Variants in NPLOC4 observed in about 807,000 individuals in gnomAD.
The protein encoded by NPLOC4 is NPL4 homolog, ubiquitin recognition factor.
A neutral mutation model predicts 80.6 loss-of-function variants in NPLOC4; 18 were observed. The ratio of observed to expected loss-of-function variants is 0.22; its 90% confidence interval spans 0.15 to 0.33. The LOEUF (loss-of-function observed/expected upper bound fraction) is 0.33. Ranked by LOEUF, NPLOC4 falls within the 10% of genes least tolerant of loss-of-function variation. The pLI, the probability that NPLOC4 is intolerant of heterozygous loss-of-function variation, is 1.00. For missense variants in NPLOC4, 540 were observed against 786.1 expected (o/e 0.69, Z 3.74); for synonymous variants, 313 against 301.5 (o/e 1.04, Z -0.39).
At chr17:81,583,472 G>C (rs1010677242) in intron 12 of NPLOC4, among the ~76,000 whole-genome samples, 4 of 152,082 alleles carry the variant, frequency 2.6e-5, no homozygotes, top group Admixed American at 6.5e-5. Context: ...TTTTCTGCAG[G>C]GGACAAATGT....
intron 12 of NPLOC4, among the ~76,000 whole-genome samples, chr17:81,583,052 A>T (rs749614164): frequency 6.6e-6 from 1 of 152,270 alleles, no homozygotes; most frequent in Non-Finnish European, 1.5e-5. Flanking sequence ...CGTGACGCAG[A>T]GTGTGTGTGA....
chr17:81,611,745 G>C (rs532992137), intron 4 of NPLOC4, among the ~76,000 whole-genome samples: 2 of 151,872 alleles, frequency 1.3e-5, no homozygotes, highest in East Asian at 2.0e-4. Flanking sequence ...TGGATCACAA[G>C]TCAGGAGATA....
intron 12 of NPLOC4, among the ~76,000 whole-genome samples, chr17:81,586,466 C>A (rs1197663412): frequency 6.6e-6 from 1 of 151,910 alleles, no homozygotes; most frequent in African/African-American, 2.4e-5. Flanking sequence ...AAAAAATTAG[C>A]CGGGCAGGTG....
intron 13 of NPLOC4, 150 bp downstream of exon 13, chr17:81,571,867 T>TC (rs895495394): frequency 2.2e-5 from 10 of 452,522 alleles, no homozygotes; most frequent in Non-Finnish European, 3.6e-5. Context: ...TACAACCACC[T>TC]CCTGGGTGCC....
chr17:81,559,289 G>C lies in NPLOC4; in HGVS notation c.1797C>G (p.His599Gln), dbSNP rs369490885. 38 of 1,605,496 alleles carry C rather than the reference G, an allele frequency of 2.4e-5. No homozygotes were observed. The highest frequency in any genetic ancestry group is 6.8e-5 in the Admixed American group (4 of 58,652). ...CTFMNQPGTGHCEMCSLPRT is the reference protein window; with the variant it reads ...CTFMNQPGTGQCEMCSLPRT ...TCCTGGGGAGGCTGCACATCTCGCA[G>C]TGGCCTGTGCCTGGCTGGTTCATGA... The change falls in exon 17 of 17, where the codon CAC becomes CAG. Residue 599 changes from histidine to glutamine, a missense_variant. By Grantham distance (24) the His-to-Gln change is conservative. Transcript: ENST00000331134.
chr17:81,599,424 C>A (rs2035007834), intron 9 of NPLOC4, among the ~76,000 whole-genome samples: 2 of 152,160 alleles, frequency 1.3e-5, no homozygotes, highest in East Asian at 3.8e-4. Context: ...AACAAGAGAA[C>A]TTCCAGAATT....
chr17:81,608,854 T>C, intron 5 of NPLOC4, 32 bp from the exon 6 acceptor site: 1 of 1,524,388 alleles, frequency 6.6e-7, no homozygotes, highest in Non-Finnish European at 8.9e-7. Flanking sequence ...GAGTGCAGTC[T>C]CACACGTGCC....
At chr17:81,614,790 T>G (rs1378908972) in intron 3 of NPLOC4, among the ~76,000 whole-genome samples, 1 of 152,148 alleles carries the variant, frequency 6.6e-6, no homozygotes, top group African/African-American at 2.4e-5. Context: ...GGGTCCCAAG[T>G]GACCAGAGAT....
chr17:81,570,493 T>A (rs2034133237), intron 13 of NPLOC4, among the ~76,000 whole-genome samples: 1 of 152,142 alleles, frequency 6.6e-6, no homozygotes, highest in Non-Finnish European at 1.5e-5. Context: ...AGTGAGCTAG[T>A]GGGACTGACG....
intron 4 of NPLOC4, among the ~76,000 whole-genome samples, chr17:81,611,821 G>A (rs78180918): frequency 2.6e-5 from 4 of 151,686 alleles, no homozygotes; most frequent in Non-Finnish European, 4.4e-5. Flanking sequence ...TTAGCCAGGC[G>A]TGGTGGCGGG....
intron 3 of NPLOC4, among the ~76,000 whole-genome samples, chr17:81,616,017 T>C (rs1348401501): frequency 6.6e-6 from 1 of 152,134 alleles, no homozygotes; most frequent in Non-Finnish European, 1.5e-5. Context: ...CAAACCTCTG[T>C]AGAAAAGCTG....
intron 3 of NPLOC4, among the ~76,000 whole-genome samples, chr17:81,617,619 C>T (rs1407330318): frequency 2.0e-5 from 3 of 152,042 alleles, no homozygotes; most frequent in Non-Finnish European, 4.4e-5. Flanking sequence ...ACCATCCTGG[C>T]TAACACGGTG....
At chr17:81,631,670 C>T (rs1026112096) in intron 1 of NPLOC4, among the ~76,000 whole-genome samples, 5 of 152,020 alleles carry the variant, frequency 3.3e-5, no homozygotes, top group Admixed American at 6.6e-5. Flanking sequence ...CAACCATCCG[C>T]GGGACGGGAA....
Position 81,588,979 on chromosome 17 carries a change from T to A in NPLOC4, c.1246A>T (p.Ser416Cys). The change falls in exon 12 of 17, where the codon AGC becomes TGC. Residue 416 changes from serine (S) to cysteine (C), a missense_variant. Physicochemically the swap from Ser to Cys is moderately radical, Grantham distance 112. This residue lies in a region of NPLOC4 where 251 missense variants were observed against 377.5 expected (regional missense o/e 0.66). Transcript: ENST00000331134. ...APELGYAKES[S>C]SEQYVPDVFY... ...ACATCAGGCACGTACTGCTCACTGC[T>A]AGACTCCTTGGCGTAGCCAAGCTCC... 6.2e-7 allele frequency: 1 copy of A among 1,614,044 alleles called. No individual in the cohort carries two copies. The highest frequency in any genetic ancestry group is 8.5e-7 in the Non-Finnish European group (1 of 1,179,874).
In NPLOC4 at chr17:81,604,325, A is replaced by C. The variant is rs572656195; in HGVS notation, c.834+223T>G. The stretch of plus-strand genomic sequence containing the variant: ...ACACTGGATCAATAGTGGCAAATGT[A>C]CCGGTTGTGTAAGAAAATATCCTTA... On this transcript the variant is annotated intron_variant, in intron 8 of 16. Coordinates refer to ENST00000331134, the MANE Select transcript of NPLOC4 (RefSeq NM_017921.4). Among the ~76,000 whole-genome samples, 18 of 152,256 alleles carry C rather than the reference A, an allele frequency of 1.2e-4. No individual in the cohort carries two copies. In the South Asian group the frequency reaches 3.7e-3, roughly 32 times the overall value.
At chr17:81,629,447 C>T (rs934677119) in intron 2 of NPLOC4, among the ~76,000 whole-genome samples, 8 of 152,126 alleles carry the variant, frequency 5.3e-5, no homozygotes, top group South Asian at 2.1e-4. Context: ...CTTGGTCTCC[C>T]GAAGTGCTGG....
intron 12 of NPLOC4, among the ~76,000 whole-genome samples, chr17:81,575,878 T>C (rs1182659774): frequency 1.3e-5 from 2 of 152,250 alleles, no homozygotes; most frequent in African/African-American, 4.8e-5. Flanking sequence ...CTTCTGTCGA[T>C]GGCAGTTTCT....
At chr17:81,633,176 G>A (rs1025936178) in intron 1 of NPLOC4, among the ~76,000 whole-genome samples, 4 of 150,458 alleles carry the variant, frequency 2.7e-5, no homozygotes, top group Admixed American at 6.6e-5. Context: ...TACTTCTAAC[G>A]TCTAGTATAC....
chr17:81,588,906 C>A, intron 12 of NPLOC4, 38 bp downstream of exon 12: 2 of 1,584,282 alleles, frequency 1.3e-6, no homozygotes, highest in Non-Finnish European at 1.7e-6. Flanking sequence ...TCACACCATT[C>A]TCCATGTACA....
Sources: gnomAD v4.1 joint callset for allele counts (sites outside exome capture counted in the v4.1 genomes callset) on GRCh38, gnomAD v4.1.1 for gene constraint, gnomAD v4.1.1 regional missense constraint, MANE v1.5 for transcripts, NCBI Gene and HGNC (gene_info 2026-07-23, HGNC 2026-07-21) for gene names.